ZNF678: variants seen among roughly 807,000 people sequenced by gnomAD.
The protein encoded by ZNF678 is hypothetical protein MGC42493.
Under a neutral mutation model 3.0 loss-of-function variants are expected in ZNF678, and 5 were observed. That is an observed-to-expected ratio of 1.69 (90% CI 0.88 to 3.56). The LOEUF is 3.56. Ranked by LOEUF, ZNF678 falls within the 30% of genes most tolerant of loss-of-function variation. The pLI is 0.00. For missense variants in ZNF678, 593 were observed against 605.0 expected, an observed-to-expected ratio of 0.98 and a Z score of 0.21; for synonymous variants, 218 against 199.6, an observed-to-expected ratio of 1.09 and a Z score of -0.78.
intron 1 of ZNF678, among the ~76,000 whole-genome samples, chr1:227,584,023 T>A (rs1657199299): frequency 6.6e-6 from 1 of 152,214 alleles, no homozygotes; most frequent in Non-Finnish European, 1.5e-5. Context: ...ATCTTTCTTA[T>A]CAGGTAGAAT....
intron 1 of ZNF678, among the ~76,000 whole-genome samples, chr1:227,595,001 CTT>C (rs1196558326): frequency 6.6e-6 from 1 of 152,150 alleles, no homozygotes; most frequent in Admixed American, 6.5e-5. Context: ...GGGTTAAGGA[CTT>C]TTGATAGGAA....
Position 227,611,419 on chromosome 1 carries a change from A to G in ZNF678, c.-163-35125A>G, listed in dbSNP as rs1006486661. Among the ~76,000 whole-genome samples the G allele has an allele frequency of 3.3e-5, 5 of 152,278 alleles. No individual in the cohort carries two copies. The East Asian group carries it at 9.7e-4, about 29-fold the overall frequency. On this transcript the variant is annotated intron_variant, in intron 1 of 3. Transcript: ENST00000343776. ...ACTTCACAATCAGCCTCCCTCACTC[A>G]CTCACAGAGTTCTTTTCTTGGCTAA... is the stretch of plus-strand genomic sequence containing the variant.
intron 1 of ZNF678, among the ~76,000 whole-genome samples, chr1:227,600,365 C>T (rs958734119): frequency 3.9e-5 from 6 of 152,066 alleles, no homozygotes; most frequent in African/African-American, 1.4e-4. Context: ...TTCTTTTTTT[C>T]AGTCTTTGTG....
intron 1 of ZNF678, among the ~76,000 whole-genome samples, chr1:227,607,066 G>A (rs1657890312): frequency 1.3e-5 from 2 of 152,244 alleles, no homozygotes; most frequent in South Asian, 4.1e-4. Flanking sequence ...AAAAAATTTG[G>A]CAGAATTATC....
intron 1 of ZNF678, among the ~76,000 whole-genome samples, chr1:227,598,120 G>T (rs1387732443): frequency 6.6e-6 from 1 of 152,108 alleles, no homozygotes; most frequent in African/African-American, 2.4e-5. Context: ...ATTTCTGTTG[G>T]TTTATCCTAG....
intron 1 of ZNF678, among the ~76,000 whole-genome samples, chr1:227,617,578 A>G (rs558678263): frequency 3.3e-5 from 5 of 152,250 alleles, no homozygotes; most frequent in African/African-American, 4.8e-5. Flanking sequence ...AAGAAATCTC[A>G]GTGGGCAGAA....
intron 3 of ZNF678, among the ~76,000 whole-genome samples, chr1:227,653,341 T>C (rs1283072602): frequency 1.3e-5 from 2 of 152,064 alleles, no homozygotes; most frequent in Non-Finnish European, 2.9e-5. Context: ...TTTCTTGTTA[T>C]ATATTTTATT....
intron 1 of ZNF678, among the ~76,000 whole-genome samples, chr1:227,603,725 A>G (rs1458885946): frequency 6.6e-6 from 1 of 152,184 alleles, no homozygotes; most frequent in Non-Finnish European, 1.5e-5. Context: ...GTCTGTTGAC[A>G]AAGCAGTAAG....
intron 1 of ZNF678, among the ~76,000 whole-genome samples, chr1:227,596,492 CAT>C (rs1430029115): frequency 6.6e-6 from 1 of 152,174 alleles, no homozygotes; most frequent in Non-Finnish European, 1.5e-5. Flanking sequence ...CTATAGATAA[CAT>C]AACCAGTTGG....
chr1:227,601,757 GT>G (rs1234074393), intron 1 of ZNF678, among the ~76,000 whole-genome samples: 1 of 152,012 alleles, frequency 6.6e-6, no homozygotes, highest in Non-Finnish European at 1.5e-5. Context: ...TAGAGACGGG[GT>G]TTCACCATGT....
At chr1:227,569,845 C>T (rs950649272) in intron 1 of ZNF678, among the ~76,000 whole-genome samples, 17 of 152,238 alleles carry the variant, frequency 1.1e-4, no homozygotes, top group African/African-American at 4.1e-4. Flanking sequence ...TTAGAATGGT[C>T]ATAATATAGA....
chr1:227,662,077 T>G lies in ZNF678; in HGVS notation c.*6249T>G, dbSNP rs1412360143. The G allele has an allele frequency of 1.3e-5, 2 of 152,174 alleles. No homozygotes were observed. The highest frequency in any genetic ancestry group is 2.9e-5 in the Non-Finnish European group (2 of 68,028). 9.4% of individuals were successfully genotyped at this position (152,174 alleles called of 1,614,324 possible). A position where few individuals can be genotyped will look rare whatever the true frequency, so the allele number is the denominator to read the frequency against. The stretch of plus-strand genomic sequence containing the variant: ...AGTATTTAAGGAGAAGGTTCTAGGC[T>G]TCCGAAGTAAAATTGGATGTGGAGG... On this transcript the variant is annotated 3_prime_UTR_variant, in exon 4 of 4. Transcript: ENST00000343776.
chr1:227,583,352 CTTTT>C (rs796974595), intron 1 of ZNF678, among the ~76,000 whole-genome samples: 1 of 131,912 alleles, frequency 7.6e-6, no homozygotes, highest in Non-Finnish European at 1.6e-5. Flanking sequence ...TTTCTTTTTT[CTTTT>C]TTTTTTTTTT....
chr1:227,642,825 G>A (rs1410924820), intron 1 of ZNF678, among the ~76,000 whole-genome samples: 1 of 152,074 alleles, frequency 6.6e-6, no homozygotes, highest in Non-Finnish European at 1.5e-5. Flanking sequence ...GAATCTTCTT[G>A]GTTGGTACCT....
chr1:227,607,743 T>C (rs1657911768), intron 1 of ZNF678, among the ~76,000 whole-genome samples: 1 of 147,438 alleles, frequency 6.8e-6, no homozygotes, highest in African/African-American at 2.5e-5. Context: ...ATATATTTAT[T>C]TTATAATATA....
At chr1:227,607,772 T>G (rs974730967) in intron 1 of ZNF678, among the ~76,000 whole-genome samples, 2 of 146,320 alleles carry the variant, frequency 1.4e-5, no homozygotes, top group African/African-American at 5.0e-5. Flanking sequence ...ATATATTGTA[T>G]ATGTATTAAT....
chr1:227,610,864 C>T (rs10799428), intron 1 of ZNF678, among the ~76,000 whole-genome samples: 28,060 of 152,140 alleles, frequency 0.18, 2,777 homozygotes, highest in African/African-American at 0.24. Flanking sequence ...AAACCACTTT[C>T]TTAACCTTTT....
chr1:227,679,224 A>G (rs924391176), downstream of ZNF678, among the ~76,000 whole-genome samples: 5 of 152,176 alleles, frequency 3.3e-5, no homozygotes, highest in Admixed American at 6.5e-5. Context: ...AAAAATAGAA[A>G]AGGGCAAAGT....
chr1:227,613,881 G>T (rs1658082188), intron 1 of ZNF678, among the ~76,000 whole-genome samples: 2 of 152,102 alleles, frequency 1.3e-5, no homozygotes, highest in African/African-American at 4.8e-5. Context: ...AGTACTGCTG[G>T]AGTCAATTCT....
Sources: allele counts gnomAD v4.1 joint callset (sites outside exome capture counted in the v4.1 genomes callset), GRCh38; gene constraint gnomAD v4.1.1; transcripts MANE v1.5; gene names NCBI Gene and HGNC (gene_info 2026-07-23, HGNC 2026-07-21).